NRXN3: variants seen among roughly 807,000 people sequenced by gnomAD.
The protein encoded by NRXN3 is neurexin 3, also known as neurexin III.
NRXN3 carries 32 observed loss-of-function variants against 137.6 expected under a neutral mutation model. That is an observed-to-expected ratio of 0.23 (90% CI 0.18 to 0.31). NRXN3 has a LOEUF of 0.31. NRXN3 is among the 10% of genes least tolerant of loss of function. The pLI is 1.00. For synonymous variants in NRXN3, 798 were observed against 784.5 expected, an observed-to-expected ratio of 1.02 and a Z score of -0.29; for missense variants, 1,574 against 2,062.5, an observed-to-expected ratio of 0.76 and a Z score of 4.59.
chr14:78,948,726 A>G (rs537674168), intron 10 of NRXN3, among the ~76,000 whole-genome samples: 4 of 143,828 alleles, frequency 2.8e-5, no homozygotes, highest in African/African-American at 1.0e-4. Context: ...CCCAGGTTAT[A>G]CTCTTCATTA....
intron 10 of NRXN3, among the ~76,000 whole-genome samples, chr14:78,816,609 G>A (rs117013409): frequency 0.017 from 2,513 of 152,226 alleles, 35 homozygotes; most frequent in Non-Finnish European, 0.024. Flanking sequence ...AATGTAAGAA[G>A]TATATACTTT....
intron 8 of NRXN3, among the ~76,000 whole-genome samples, chr14:78,750,118 A>G (rs1412746683): frequency 6.6e-6 from 1 of 152,178 alleles, no homozygotes; most frequent in Non-Finnish European, 1.5e-5. Flanking sequence ...AATACCAACC[A>G]TTCTAGAGGA....
intron 20 of NRXN3, among the ~76,000 whole-genome samples, chr14:79,808,253 AAAAT>A (rs1403829408): frequency 0.011 from 1,362 of 129,018 alleles, 15 homozygotes; most frequent in African/African-American, 0.04. Flanking sequence ...AAAAAAAAAA[AAAAT>A]ATATATATAT....
chr14:78,222,370 C>T (rs754436493), intron 1 of NRXN3, among the ~76,000 whole-genome samples: 2 of 151,968 alleles, frequency 1.3e-5, no homozygotes, highest in African/African-American at 2.4e-5. Flanking sequence ...GCTAGAAGAG[C>T]GTGGGCTCAC....
chr14:78,550,100 C>T (rs541011764), intron 4 of NRXN3, among the ~76,000 whole-genome samples: 9 of 146,978 alleles, frequency 6.1e-5, no homozygotes, highest in Admixed American at 4.1e-4. Flanking sequence ...GTAGTGCGAT[C>T]ACAGCACACT....
At chr14:79,768,095 T>C (rs1293640583) in intron 19 of NRXN3, among the ~76,000 whole-genome samples, 14 of 152,198 alleles carry the variant, frequency 9.2e-5, no homozygotes, top group Admixed American at 9.2e-4. Flanking sequence ...CAGGAGATTA[T>C]ATCCCTCACC....
chr14:79,752,197 G>A (rs992476314), intron 19 of NRXN3, among the ~76,000 whole-genome samples: 3 of 149,532 alleles, frequency 2.0e-5, no homozygotes, highest in Non-Finnish European at 4.5e-5. Context: ...GAATCCATCT[G>A]GTCCTGGACT....
rs1036699906 is a variant in NRXN3, at chr14:79,645,634, T to C, written c.3445-18144T>C. Among the ~76,000 whole-genome samples the C allele has an allele frequency of 1.5e-5, 2 of 133,338 alleles. 1 individual carries two copies. The highest frequency in any genetic ancestry group is 3.5e-5 in the Non-Finnish European group (2 of 57,522). 87.5% of individuals were successfully genotyped at this position (133,338 alleles called of 152,430 possible). A position where few individuals can be genotyped will look rare whatever the true frequency, so the allele number is the denominator to read the frequency against. Reference sequence around the variant, plus strand: ...TGTCTCAAAAAAAAAAAAAAAAGTTTTTTTCGTGTCGGTATTAATGCCTGG... The same window carrying C: ...TGTCTCAAAAAAAAAAAAAAAAGTTCTTTTCGTGTCGGTATTAATGCCTGG... On this transcript the variant is annotated intron_variant, in intron 16 of 20. Coordinates refer to ENST00000335750, the MANE Select transcript of NRXN3 (RefSeq NM_001330195.2).
At chr14:78,802,432 TA>T (rs1383068440) in intron 8 of NRXN3, among the ~76,000 whole-genome samples, 2 of 152,158 alleles carry the variant, frequency 1.3e-5, no homozygotes, top group African/African-American at 2.4e-5. Context: ...TACCTAATGT[TA>T]AATGACGAGT....
At chr14:78,327,438 G>A (rs1334660131) in intron 4 of NRXN3, among the ~76,000 whole-genome samples, 1 of 152,152 alleles carries the variant, frequency 6.6e-6, no homozygotes, top group Non-Finnish European at 1.5e-5. Context: ...GGAGCTTTTT[G>A]TAGCAATTCC....
intron 15 of NRXN3, among the ~76,000 whole-genome samples, chr14:79,240,837 T>C (rs1181505755): frequency 1.3e-5 from 2 of 152,182 alleles, no homozygotes; most frequent in Non-Finnish European, 2.9e-5. Flanking sequence ...ACTAGGACAA[T>C]ATTAAACACA....
At chr14:78,851,284 C>T (rs537819865) in intron 10 of NRXN3, among the ~76,000 whole-genome samples, 4 of 152,158 alleles carry the variant, frequency 2.6e-5, no homozygotes, top group East Asian at 3.9e-4. Flanking sequence ...CATATTTTTA[C>T]GGTATAAATA....
chr14:79,838,012 T>C (rs892077721), intron 20 of NRXN3, among the ~76,000 whole-genome samples: 3 of 152,190 alleles, frequency 2.0e-5, no homozygotes, highest in Non-Finnish European at 4.4e-5. Context: ...TTCTACCTAG[T>C]AATCCAAGAT....
At chr14:79,196,041 A>G (rs2065081695) in intron 15 of NRXN3, among the ~76,000 whole-genome samples, 2 of 152,206 alleles carry the variant, frequency 1.3e-5, no homozygotes, top group Admixed American at 1.3e-4. Context: ...TACCAGATTG[A>G]CATCCTCAAG....
chr14:78,556,124 A>C (rs1374637916), intron 4 of NRXN3, among the ~76,000 whole-genome samples: 1 of 152,208 alleles, frequency 6.6e-6, no homozygotes, highest in African/African-American at 2.4e-5. Context: ...GGTGGTTCAG[A>C]CCATTTTCCA....
intron 16 of NRXN3, among the ~76,000 whole-genome samples, chr14:79,565,893 T>C (rs1268977872): frequency 6.6e-6 from 1 of 152,144 alleles, no homozygotes; most frequent in East Asian, 1.9e-4. Context: ...CAATTGTTAA[T>C]GTTTGTTAAG....
chr14:79,342,099 G>A (rs1347172130), intron 15 of NRXN3, among the ~76,000 whole-genome samples: 1 of 152,212 alleles, frequency 6.6e-6, no homozygotes. Context: ...ATCTGTGGCA[G>A]AGCTGGGAGT....
chr14:78,689,684 C>G (rs1168394207), intron 6 of NRXN3, among the ~76,000 whole-genome samples: 1 of 152,052 alleles, frequency 6.6e-6, no homozygotes, highest in Non-Finnish European at 1.5e-5. Flanking sequence ...AAAATGGTGA[C>G]TCAATATCTT....
At chr14:79,350,848 C>T (rs1336892733) in intron 15 of NRXN3, among the ~76,000 whole-genome samples, 1 of 152,124 alleles carries the variant, frequency 6.6e-6, no homozygotes, top group Non-Finnish European at 1.5e-5. Flanking sequence ...CTAGGCCTTC[C>T]TCTCCAGGAG....
Sources: gnomAD v4.1 joint callset for allele counts (sites outside exome capture counted in the v4.1 genomes callset) on GRCh38, gnomAD v4.1.1 for gene constraint, MANE v1.5 for transcripts, NCBI Gene and HGNC (gene_info 2026-07-23, HGNC 2026-07-21) for gene names.